Variants in ERC2 observed in about 807,000 individuals in gnomAD.
ERC2 encodes ERC protein 2.
Under a neutral mutation model 114.8 loss-of-function variants are expected in ERC2, and 42 were observed. That is an observed-to-expected ratio of 0.37 (90% CI 0.29 to 0.47). The LOEUF (loss-of-function observed/expected upper bound fraction) is 0.47. Ranked by LOEUF, ERC2 falls within the 20% of genes least tolerant of loss-of-function variation. The probability of loss-of-function intolerance (pLI) is 0.99; values close to 1 mark genes in which losing one functional copy is unlikely to be tolerated. For synonymous variants in ERC2, 454 were observed against 425.5 expected, an observed-to-expected ratio of 1.07 and a Z score of -0.82; for missense variants, 939 against 1,150.7, an observed-to-expected ratio of 0.82 and a Z score of 2.66.
chr3:56,235,125 C>A (rs2050859854), intron 3 of ERC2, among the ~76,000 whole-genome samples: 1 of 152,132 alleles, frequency 6.6e-6, no homozygotes, highest in South Asian at 2.1e-4. Context: ...GTCCTTTGGT[C>A]TGTACAACCT....
At chr3:55,645,870 A>T (rs1559793197) in intron 17 of ERC2, among the ~76,000 whole-genome samples, 1 of 152,172 alleles carries the variant, frequency 6.6e-6, no homozygotes, top group Non-Finnish European at 1.5e-5. Flanking sequence ...TACGGTTAGT[A>T]CAAACTGGTA....
intron 3 of ERC2, among the ~76,000 whole-genome samples, chr3:56,291,778 C>G (rs1038020237): frequency 6.6e-6 from 1 of 150,426 alleles, no homozygotes. Context: ...CTAAGTTATT[C>G]TTACTGGTAT....
At chr3:56,124,685 G>A (rs1274219219) in intron 6 of ERC2, among the ~76,000 whole-genome samples, 1 of 152,220 alleles carries the variant, frequency 6.6e-6, no homozygotes, top group African/African-American at 2.4e-5. Context: ...TCAATGTTGA[G>A]TACTGTGCTA....
At chr3:55,973,200 T>C (rs2069309025) in intron 12 of ERC2, among the ~76,000 whole-genome samples, 1 of 152,072 alleles carries the variant, frequency 6.6e-6, no homozygotes, top group Non-Finnish European at 1.5e-5. Flanking sequence ...GCTACTGCAA[T>C]TGTCCAAATT....
rs1559811996 is a variant in ERC2 at position 55,883,545 on chromosome 3, CACACA to C, written c.2564+4839_2564+4843del. On this transcript the variant is annotated intron_variant, in intron 14 of 17. Transcript: ENST00000288221. ...AAGTGGATATAATTAAACATACACA[CACACA>C]CACACACACACACACACACAAGTGC... Among the ~76,000 whole-genome samples the C allele has an allele frequency of 7.9e-3, 964 of 121,734 alleles. 12 individuals are homozygous for C. The highest frequency in any genetic ancestry group is 0.031 in the African/African-American group (891 of 28,458). 79.9% of individuals were successfully genotyped at this position (121,734 alleles called of 152,430 possible).
chr3:56,348,907 A>AAAGAAG (rs2058429130), intron 2 of ERC2, among the ~76,000 whole-genome samples: 1 of 34,928 alleles, frequency 2.9e-5, no homozygotes, highest in African/African-American at 7.8e-5. Flanking sequence ...AAGGAAGGAA[A>AAAGAAG]GAAGGAAGGA....
chr3:55,606,448 G>A (rs2058645420), intron 17 of ERC2: 1 of 147,906 alleles, frequency 6.8e-6, no homozygotes, highest in African/African-American at 2.5e-5. Flanking sequence ...AAAGCAAATA[G>A]TAAATGTAAT....
Position 55,539,415 on chromosome 3 carries a change from C to CTTTTTTTTTTTTTTTTTT in ERC2, c.*40-28157_*40-28140dup, listed in dbSNP as rs58749389. On this transcript the variant is annotated intron_variant, in intron 17 of 17. Transcript: ENST00000288221. Reference sequence around the variant, plus strand: ...TCTCTCTCTCTCTCTTTTTTTCTTTCTTTTTTTTTTTTTTTTTTTTTTTTT... The same window carrying CTTTTTTTTTTTTTTTTTT: ...TCTCTCTCTCTCTCTTTTTTTCTTTCTTTTTTTTTTTTTTTTTTTTTTTTTTTTTTTTTTTTTTTTTTT... Among the ~76,000 whole-genome samples, 280 of 39,112 alleles carry CTTTTTTTTTTTTTTTTTT rather than the reference C, an allele frequency of 7.2e-3. 42 individuals are homozygous for CTTTTTTTTTTTTTTTTTT. The highest frequency in any genetic ancestry group is 0.012 in the South Asian group (7 of 608). 25.7% of individuals were successfully genotyped at this position (39,112 alleles called of 152,430 possible).
intron 12 of ERC2, among the ~76,000 whole-genome samples, chr3:55,958,826 T>C (rs1016448609): frequency 6.6e-6 from 1 of 152,276 alleles, no homozygotes; most frequent in South Asian, 2.1e-4. Context: ...AACAGGCACT[T>C]CTGAGCCTGT....
intron 1 of ERC2, among the ~76,000 whole-genome samples, chr3:56,442,395 A>G (rs1232552128): frequency 6.6e-6 from 1 of 151,942 alleles, no homozygotes. Flanking sequence ...AATTTTTGTA[A>G]TTTTTGAAGA....
intron 2 of ERC2, among the ~76,000 whole-genome samples, chr3:56,352,573 T>C (rs568967758): frequency 2.1e-3 from 322 of 152,320 alleles, no homozygotes; most frequent in African/African-American, 7.2e-3. Context: ...GTATTAGTTA[T>C]ATATTGCTAC....
At chr3:55,633,687 G>A (rs2059844914) in intron 17 of ERC2, among the ~76,000 whole-genome samples, 2 of 152,342 alleles carry the variant, frequency 1.3e-5, no homozygotes, top group South Asian at 4.1e-4. Context: ...CTCTGGAGCT[G>A]CAGCAGTGAG....
At chr3:56,187,440 G>T (rs2083693594) in intron 3 of ERC2, among the ~76,000 whole-genome samples, 1 of 152,130 alleles carries the variant, frequency 6.6e-6, no homozygotes, top group African/African-American at 2.4e-5. Flanking sequence ...AATAGGGTAG[G>T]ACTCCATTAT....
At chr3:55,687,599 G>A (rs1380370377) in intron 16 of ERC2, among the ~76,000 whole-genome samples, 1 of 152,174 alleles carries the variant, frequency 6.6e-6, no homozygotes, top group Non-Finnish European at 1.5e-5. Flanking sequence ...TACCTTGCTG[G>A]AAGGGGTGCA....
At chr3:55,823,574 G>A (rs1446800341) in intron 14 of ERC2, among the ~76,000 whole-genome samples, 2 of 152,260 alleles carry the variant, frequency 1.3e-5, no homozygotes, top group African/African-American at 4.8e-5. Context: ...TGAGAGGGAC[G>A]GAGAAGGAAG....
intron 17 of ERC2, among the ~76,000 whole-genome samples, chr3:55,569,461 T>C (rs941169083): frequency 6.6e-6 from 1 of 152,144 alleles, no homozygotes; most frequent in African/African-American, 2.4e-5. Flanking sequence ...GGAAAAAAAT[T>C]TAACGAGGGC....
chr3:55,962,127 C>T (rs953435889), intron 12 of ERC2, among the ~76,000 whole-genome samples: 2 of 151,896 alleles, frequency 1.3e-5, no homozygotes, highest in Non-Finnish European at 2.9e-5. Context: ...TCTAAGAGGC[C>T]GAGGTCAAAA....
intron 4 of ERC2, among the ~76,000 whole-genome samples, chr3:56,167,759 A>G (rs1009054390): frequency 6.6e-6 from 1 of 152,180 alleles, no homozygotes; most frequent in South Asian, 2.1e-4. Flanking sequence ...ACAAGTTATC[A>G]CACCAGGCTG....
chr3:55,866,057 T>C (rs1456112939), intron 14 of ERC2, among the ~76,000 whole-genome samples: 3 of 152,312 alleles, frequency 2.0e-5, no homozygotes, highest in East Asian at 1.9e-4. Context: ...CCGCACCATT[T>C]TACAGTCCTA....
Sources: allele counts gnomAD v4.1 joint callset (sites outside exome capture counted in the v4.1 genomes callset), GRCh38; gene constraint gnomAD v4.1.1; transcripts MANE v1.5; gene names NCBI Gene and HGNC (gene_info 2026-07-23, HGNC 2026-07-21).